The following GNL2 variants were observed in gnomAD, a reference collection of about 807,000 sequenced individuals.
The protein encoded by GNL2 is G protein nucleolar 2, also known as nucleolar GTP-binding protein 2.
A neutral mutation model predicts 92.3 loss-of-function variants in GNL2; 51 were observed. The ratio of observed to expected loss-of-function variants is 0.55; its 90% CI spans 0.44 to 0.70. GNL2 has a LOEUF of 0.70. GNL2 is among the 30% of genes least tolerant of loss of function. The pLI is 0.00. For synonymous variants in GNL2, 283 were observed against 300.6 expected, an observed-to-expected ratio of 0.94 and a Z score of 0.61; for missense variants, 844 against 895.6, an observed-to-expected ratio of 0.94 and a Z score of 0.74.
intron 5 of GNL2, 31 bp downstream of exon 5, chr1:37,587,279 AC>A (rs756361166): frequency 2.7e-6 from 4 of 1,501,910 alleles, no homozygotes; most frequent in East Asian, 2.3e-5. Flanking sequence ...AAAAAAAAAA[AC>A]AAAAACAAAG....
At position 37,582,256 on chromosome 1, in the gene GNL2, T is replaced by C. The variant is rs774600778; in HGVS notation, c.876A>G (p.Gly292=). The change falls in exon 8 of 16, where the codon GGA becomes GGG. Residue 292 remains glycine, a synonymous_variant. Coordinates refer to ENST00000373062, the MANE Select transcript of GNL2 (RefSeq NM_013285.3). ...ACTGCCGCAGAAGCTGAATGAATGC[T>C]CCCTTGCCAAACGGGTTAGTAAGGC... The part of the protein sequence containing the change: ...HASLTNPFGK[G]AFIQLLRQFG... The C allele has an allele frequency of 6.2e-7, 1 of 1,612,842 alleles. No homozygotes were observed. Among genetic ancestry groups the C allele is most frequent in the Non-Finnish European group, 8.5e-7 (1 of 1,179,360 alleles).
chr1:37,588,454 C>G (rs888729456), intron 4 of GNL2, among the ~76,000 whole-genome samples: 1 of 152,166 alleles, frequency 6.6e-6, no homozygotes, highest in Non-Finnish European at 1.5e-5. Context: ...TAACCCACAA[C>G]TCAGTTTAGT....
rs543054180 is a variant in GNL2 at position 37,581,954 on chromosome 1, C to T, written c.909+269G>A. On this transcript the variant is annotated intron_variant, in intron 8 of 15. Transcript: ENST00000373062. ...CTGGGATTACAGGTGTGAGCCACCG[C>T]GCCCGGCCACATCTTTTTTTTTTAG... Among the ~76,000 whole-genome samples, 49 of 151,786 alleles carry T rather than the reference C, an allele frequency of 3.2e-4. No homozygotes were observed. In the South Asian group the frequency reaches 8.3e-3, roughly 26 times the overall value.
intron 3 of GNL2, 44 bp from the exon 4 acceptor site, chr1:37,590,889 G>A (rs751754129): frequency 1.1e-5 from 16 of 1,487,112 alleles, no homozygotes; most frequent in South Asian, 5.3e-5. Context: ...TAATATTTGC[G>A]CATCCATCTT....
intron 12 of GNL2, chr1:37,570,481 G>C (rs954107261): frequency 2.7e-5 from 4 of 150,238 alleles, no homozygotes; most frequent in African/African-American, 9.8e-5. Context: ...AATGAGCCGA[G>C]ATCGTGCCAC....
intron 12 of GNL2, among the ~76,000 whole-genome samples, chr1:37,571,345 G>T (rs755049096): frequency 6.6e-6 from 1 of 152,190 alleles, no homozygotes; most frequent in Non-Finnish European, 1.5e-5. Context: ...ATAAGACTAT[G>T]TAAGAATTGA....
At chr1:37,594,697 A>G (rs1643910900) in intron 1 of GNL2, among the ~76,000 whole-genome samples, 1 of 152,148 alleles carries the variant, frequency 6.6e-6, no homozygotes, top group Non-Finnish European at 1.5e-5. Context: ...ATCCGCCATC[A>G]TGCCCGGCTA....
chr1:37,591,160 T>C (rs542359698), intron 3 of GNL2, among the ~76,000 whole-genome samples: 33 of 152,340 alleles, frequency 2.2e-4, no homozygotes, highest in Non-Finnish European at 3.5e-4. Context: ...AATGTCCTAC[T>C]ACCTGCTAGA....
At chr1:37,571,064 G>A (rs1000791982) in intron 12 of GNL2, among the ~76,000 whole-genome samples, 3 of 152,094 alleles carry the variant, frequency 2.0e-5, no homozygotes, top group African/African-American at 7.2e-5. Context: ...TTCTAGGAAG[G>A]GCAATTTTTG....
intron 8 of GNL2, among the ~76,000 whole-genome samples, chr1:37,579,315 AGGGGG>A (rs537105704): frequency 6.6e-6 from 1 of 152,150 alleles, no homozygotes; most frequent in Non-Finnish European, 1.5e-5. Flanking sequence ...TGGGAGGCCG[AGGGGG>A]GCGGATCACC....
chr1:37,587,118 T>C (rs1192998458), intron 5 of GNL2, among the ~76,000 whole-genome samples, 193 bp downstream of exon 5: 1 of 151,934 alleles, frequency 6.6e-6, no homozygotes, highest in Non-Finnish European at 1.5e-5. Flanking sequence ...ATACAAAAAA[T>C]TAGCCAGGCA....
At chr1:37,569,488 A>G (rs980623122) in intron 12 of GNL2, 186 bp from the exon 13 acceptor site, 1 of 576,386 alleles carries the variant, frequency 1.7e-6, no homozygotes, top group Non-Finnish European at 3.1e-6. Context: ...AGAGATCAGT[A>G]CTAGGATCAA....
Position 37,574,350 on chromosome 1 carries a change from G to A in GNL2, c.1409C>T (p.Ala470Val), listed in dbSNP as rs1643642068. The A allele has an allele frequency of 3.1e-6, 5 of 1,612,556 alleles. No individual in the cohort carries two copies. In the Admixed American group the frequency reaches 5.0e-5, roughly 16 times the overall value. Residue 470 changes from alanine to valine, a missense_variant, in exon 12 of 16, where the codon GCC (alanine) becomes GTC (valine). By Grantham distance (64) the Ala-to-Val change is moderately conservative. Transcript: ENST00000373062. ...GGCCCACCCTGCTCTTACCTGGGGGGCCACAAGTGGCTCTGCATTGGGTGG... is the reference window on the plus strand; with the variant it reads ...GGCCCACCCTGCTCTTACCTGGGGGACCACAAGTGGCTCTGCATTGGGTGG... ...VKPPNAEPLVAPQLLPSSSLE... is the reference protein window; with the variant it reads ...VKPPNAEPLVVPQLLPSSSLE...
intron 9 of GNL2, chr1:37,576,137 G>A (rs1643673792): frequency 2.9e-6 from 1 of 342,514 alleles, no homozygotes; most frequent in Non-Finnish European, 5.3e-6. Context: ...ATATTCTTGG[G>A]TTAGTTTTGT....
At position 37,583,018 on chromosome 1, in the gene GNL2, AAAT is replaced by A. The variant is rs1453200057; in HGVS notation, c.637-85_637-83del. The A allele has an allele frequency of 4.3e-6, 4 of 921,250 alleles. No homozygotes were observed. In the Admixed American group the frequency reaches 7.9e-5, roughly 18 times the overall value. 57.1% of individuals were successfully genotyped at this position (921,250 alleles called of 1,614,324 possible). Reference sequence around the variant, plus strand: ...CATTTAAGGGAGTCTGGGAAAAATAAAATAATAATATTTAGAGACAACTTCAAA... The same window carrying A: ...CATTTAAGGGAGTCTGGGAAAAATAAAATAATATTTAGAGACAACTTCAAA... On this transcript the variant is annotated intron_variant, in intron 6 of 15. Coordinates refer to ENST00000373062, the MANE Select transcript of GNL2 (RefSeq NM_013285.3).
chr1:37,569,152 G>A lies in GNL2; in HGVS notation c.1567C>T (p.Gln523Ter). 6.2e-7 allele frequency: 1 copy of A among 1,614,152 alleles called. No homozygotes were observed. Among genetic ancestry groups the A allele is most frequent in the South Asian group, 1.1e-5 (1 of 91,080 alleles). ...TGCCGAACTCGTGTGAGAATCTGCTGCATCTCTGTGTTAGCATCACAGTGA... is the reference window on the plus strand; with the variant it reads ...TGCCGAACTCGTGTGAGAATCTGCTACATCTCTGTGTTAGCATCACAGTGA... ...NSHCDANTEM[Q>*]QILTRVRQNF... The change falls in exon 13 of 16, where the codon CAG (glutamine) becomes TAG (stop). Residue 523 changes from glutamine (Q) to a stop codon, truncating the protein, a stop_gained. Coordinates refer to ENST00000373062, the MANE Select transcript of GNL2 (RefSeq NM_013285.3). LOFTEE classifies it high-confidence loss of function.
At position 37,589,585 on chromosome 1, in the gene GNL2, G is replaced by A. The variant is rs776664957; in HGVS notation, c.384+1121C>T. Reference sequence around the variant, plus strand: ...CTTCCCAAAGTGCTGGGATTCAGGCGTGAGCCACCGCGCCCAGCCTGAACT... The same window carrying A: ...CTTCCCAAAGTGCTGGGATTCAGGCATGAGCCACCGCGCCCAGCCTGAACT... On this transcript the variant is annotated intron_variant, in intron 4 of 15. Coordinates refer to ENST00000373062, the MANE Select transcript of GNL2 (RefSeq NM_013285.3). Among the ~76,000 whole-genome samples the A allele has an allele frequency of 1.5e-4, 23 of 152,210 alleles. 1 individual carries two copies. The highest frequency in any genetic ancestry group is 5.3e-4 in the African/African-American group (22 of 41,450).
chr1:37,588,530 G>A (rs931894526), intron 4 of GNL2, among the ~76,000 whole-genome samples: 1 of 152,194 alleles, frequency 6.6e-6, no homozygotes, highest in African/African-American at 2.4e-5. Context: ...ATGGGAAATA[G>A]GGTCTAATGT....
intron 8 of GNL2, among the ~76,000 whole-genome samples, chr1:37,581,130 A>T (rs1643759800): frequency 6.6e-6 from 1 of 152,220 alleles, no homozygotes; most frequent in Non-Finnish European, 1.5e-5. Flanking sequence ...CATAGTAAGA[A>T]ATTAATAAGC....
Sources: allele counts gnomAD v4.1 joint callset (sites outside exome capture counted in the v4.1 genomes callset), GRCh38; gene constraint gnomAD v4.1.1; transcripts MANE v1.5; gene names NCBI Gene and HGNC (gene_info 2026-07-23, HGNC 2026-07-21).